The following NELL1 variants were observed in gnomAD, a reference collection of about 807,000 sequenced individuals.
NELL1 encodes protein kinase C-binding protein NELL1.
A neutral mutation model predicts 107.4 loss-of-function variants in NELL1; 76 were observed. The ratio of observed to expected loss-of-function variants is 0.71; its 90% CI spans 0.59 to 0.86. NELL1 has a LOEUF of 0.86. Ranked by LOEUF, NELL1 falls within the 40% of genes least tolerant of loss-of-function variation. The probability of loss-of-function intolerance (pLI) is 0.00; values close to 1 mark genes in which losing one functional copy is unlikely to be tolerated. For synonymous variants in NELL1, 353 were observed against 341.2 expected, an observed-to-expected ratio of 1.03 and a Z score of -0.38; for missense variants, 1,024 against 1,005.5, an observed-to-expected ratio of 1.02 and a Z score of -0.25.
chr11:21,489,153 A>C (rs1172141150), intron 15 of NELL1, among the ~76,000 whole-genome samples: 1 of 151,912 alleles, frequency 6.6e-6, no homozygotes, highest in Non-Finnish European at 1.5e-5. Context: ...GTGAACAGTT[A>C]TACACTAACA....
intron 15 of NELL1, among the ~76,000 whole-genome samples, chr11:21,522,989 C>G (rs376968341): frequency 6.6e-6 from 1 of 151,360 alleles, no homozygotes; most frequent in Non-Finnish European, 1.5e-5. Flanking sequence ...GGACTACAGG[C>G]GCCCACCACC....
In NELL1 at chr11:21,560,220, C is replaced by A; in HGVS notation, c.1818C>A (p.Thr606=). ...DIDECALRTH[T]CWNDSACINL... ...ATGAATGTGCCTTAAGAACTCACAC[C>A]TGTTGGAACGATTCTGCCTGCATCA... The change falls in exon 17 of 20, where the codon ACC becomes ACA. Residue 606 remains threonine, a synonymous_variant. Coordinates refer to ENST00000357134, the MANE Select transcript of NELL1 (RefSeq NM_006157.5). 6.2e-7 allele frequency: 1 copy of A among 1,613,742 alleles called. No homozygotes were observed. The highest frequency in any genetic ancestry group is 1.1e-5 in the South Asian group (1 of 91,080).
chr11:20,759,824 G>A (rs1194219045), intron 2 of NELL1, among the ~76,000 whole-genome samples: 1 of 152,178 alleles, frequency 6.6e-6, no homozygotes, highest in Non-Finnish European at 1.5e-5. Context: ...GCCCTCTGGG[G>A]GAGCAGAGTG....
intron 14 of NELL1, among the ~76,000 whole-genome samples, chr11:21,366,843 A>G (rs2133747108): frequency 6.6e-6 from 1 of 152,264 alleles, no homozygotes; most frequent in South Asian, 2.1e-4. Context: ...GGGTGTCCCT[A>G]GGAACTAAAT....
chr11:21,239,828 G>T (rs1055123910), intron 14 of NELL1, among the ~76,000 whole-genome samples: 3 of 151,998 alleles, frequency 2.0e-5, no homozygotes, highest in Non-Finnish European at 4.4e-5. Context: ...CCACTGCAGG[G>T]CTGGCATCTT....
At position 21,036,394 on chromosome 11, in the gene NELL1, A is replaced by T. The variant is rs547758115; in HGVS notation, c.1300+75834A>T. Among the ~76,000 whole-genome samples, 15 of 152,294 alleles carry T rather than the reference A, an allele frequency of 9.8e-5. No homozygotes were observed. The East Asian group carries it at 2.7e-3, about 27-fold the overall frequency. ...GCTAGAGAAAACTATTTTAAAATTT[A>T]TATGGAACCAAAAAACAGCCAAATA... On this transcript the variant is annotated intron_variant, in intron 12 of 19. Coordinates refer to ENST00000357134, the MANE Select transcript of NELL1 (RefSeq NM_006157.5).
intron 5 of NELL1, among the ~76,000 whole-genome samples, chr11:20,906,444 C>T (rs1850000045): frequency 6.6e-6 from 1 of 152,100 alleles, no homozygotes. Context: ...ATCAATCCTT[C>T]TTAAACTCTT....
At chr11:21,271,128 C>A (rs979837929) in intron 14 of NELL1, among the ~76,000 whole-genome samples, 1 of 151,780 alleles carries the variant, frequency 6.6e-6, no homozygotes, top group Non-Finnish European at 1.5e-5. Flanking sequence ...CAGGAGAAAA[C>A]ATATAATAAA....
At chr11:21,509,289 A>G (rs1009057079) in intron 15 of NELL1, among the ~76,000 whole-genome samples, 8 of 152,192 alleles carry the variant, frequency 5.3e-5, no homozygotes, top group African/African-American at 1.9e-4. Context: ...AATTATAGGC[A>G]TTTTGAAGAA....
chr11:20,795,323 G>T (rs1273443817), intron 3 of NELL1, among the ~76,000 whole-genome samples: 9 of 152,192 alleles, frequency 5.9e-5, no homozygotes, highest in Admixed American at 5.9e-4. Flanking sequence ...GTACCTGGAG[G>T]TAGTAATTGA....
rs114089308 is a variant in NELL1 at position 20,697,028 on chromosome 11, C to T, written c.184+18968C>T. ...GTATGTTACAGTCTGTTTACACATC[C>T]AGTTAGGTTTCAGTTCACTATGTAT... On this transcript the variant is annotated intron_variant, in intron 2 of 19. Transcript: ENST00000357134. Among the ~76,000 whole-genome samples, 782 of 152,202 alleles carry T rather than the reference C, an allele frequency of 5.1e-3. 8 individuals carry two copies. The highest frequency in any genetic ancestry group is 0.017 in the African/African-American group (719 of 41,526).
chr11:20,826,821 C>A (rs550042864), intron 3 of NELL1, among the ~76,000 whole-genome samples: 3 of 151,228 alleles, frequency 2.0e-5, no homozygotes, highest in Admixed American at 6.6e-5. Flanking sequence ...TGAACAAGAC[C>A]TTTGCATGGA....
chr11:21,064,790 T>C (rs1004236987), intron 12 of NELL1, among the ~76,000 whole-genome samples: 3 of 152,124 alleles, frequency 2.0e-5, no homozygotes, highest in African/African-American at 7.2e-5. Context: ...CACACCCACA[T>C]CTCCTATTAA....
chr11:21,342,676 G>A (rs1850599969), intron 14 of NELL1, among the ~76,000 whole-genome samples: 3 of 138,118 alleles, frequency 2.2e-5, no homozygotes, highest in African/African-American at 2.7e-5. Flanking sequence ...AAAAAGAAAA[G>A]AAAGAGATAG....
chr11:20,867,663 G>A (rs1849120868), intron 4 of NELL1, among the ~76,000 whole-genome samples: 1 of 152,174 alleles, frequency 6.6e-6, no homozygotes, highest in Non-Finnish European at 1.5e-5. Flanking sequence ...CATAGTATTT[G>A]TGTTTAAGAG....
intron 12 of NELL1, among the ~76,000 whole-genome samples, chr11:21,032,046 A>AAT (rs1852971840): frequency 1.4e-5 from 2 of 145,522 alleles, no homozygotes; most frequent in Non-Finnish European, 3.0e-5. Context: ...CTCCATGTCA[A>AAT]AATAATAATA....
At chr11:21,238,603 A>C (rs1183393577) in intron 14 of NELL1, among the ~76,000 whole-genome samples, 4 of 152,002 alleles carry the variant, frequency 2.6e-5, no homozygotes, top group African/African-American at 9.7e-5. Flanking sequence ...AGGAAAGGGA[A>C]GTAGTCTTGA....
chr11:21,478,161 G>A (rs1854397056), intron 15 of NELL1, among the ~76,000 whole-genome samples: 1 of 152,034 alleles, frequency 6.6e-6, no homozygotes, highest in African/African-American at 2.4e-5. Flanking sequence ...AAGAGTGCAG[G>A]GAAAACTGCC....
At chr11:21,355,885 T>C (rs946558543) in intron 14 of NELL1, among the ~76,000 whole-genome samples, 1 of 152,186 alleles carries the variant, frequency 6.6e-6, no homozygotes, top group African/African-American at 2.4e-5. Flanking sequence ...CTTGGATCTC[T>C]AAGTCACTAC....
Sources: gnomAD v4.1 joint callset for allele counts (sites outside exome capture counted in the v4.1 genomes callset) on GRCh38, gnomAD v4.1.1 for gene constraint, MANE v1.5 for transcripts, NCBI Gene and HGNC (gene_info 2026-07-23, HGNC 2026-07-21) for gene names.